GABRB3: variants seen among roughly 807,000 people sequenced by gnomAD.
The protein encoded by GABRB3 is gamma-aminobutyric acid type A receptor subunit beta3, also known as gamma-aminobutyric acid receptor subunit beta-3.
In GABRB3, 14 loss-of-function variants were observed where a neutral mutation model predicts 52.1. The ratio of observed to expected loss-of-function variants is 0.27; its 90% CI spans 0.18 to 0.42. GABRB3 has a LOEUF of 0.42. Among genes scored for constraint, GABRB3 ranks in the 10% least tolerant of loss-of-function variants. The pLI is 1.00. For missense variants in GABRB3, 307 were observed against 609.1 expected, an observed-to-expected ratio of 0.50 and a Z score of 5.22; for synonymous variants, 260 against 232.3, an observed-to-expected ratio of 1.12 and a Z score of -1.08.
intron 3 of GABRB3, among the ~76,000 whole-genome samples, chr15:26,691,616 T>C (rs977029615): frequency 4.6e-5 from 7 of 152,172 alleles, no homozygotes; most frequent in African/African-American, 1.7e-4. Flanking sequence ...TCACAATTTG[T>C]TTAATGACCT....
At chr15:26,716,504 G>C (rs1230940464) in intron 3 of GABRB3, 1 of 714,056 alleles carries the variant, frequency 1.4e-6, no homozygotes, top group African/African-American at 1.9e-5. Context: ...ACGATGCTCA[G>C]GGGGTTTGAG....
intron 3 of GABRB3, among the ~76,000 whole-genome samples, chr15:26,691,867 T>C (rs1168221273): frequency 2.0e-5 from 3 of 152,168 alleles, no homozygotes; most frequent in Non-Finnish European, 4.4e-5. Flanking sequence ...ATCTTACAAA[T>C]ATATTGGTGT....
At chr15:26,653,588 G>A (rs1824036816) in intron 3 of GABRB3, among the ~76,000 whole-genome samples, 1 of 152,158 alleles carries the variant, frequency 6.6e-6, no homozygotes, top group Admixed American at 6.5e-5. Flanking sequence ...TGAAACTCCA[G>A]TCTCCCTTTT....
rs1555383878 is a variant in GABRB3, at chr15:26,772,467, G to A, written c.175C>T (p.Pro59Ser). ...ATGTTCATCCCCACGCAGACCGGGGGACCTGCGGGAAGCACAGGACACGGC... is the reference window on the plus strand; with the variant it reads ...ATGTTCATCCCCACGCAGACCGGGGAACCTGCGGGAAGCACAGGACACGGC... Reference protein sequence around the residue: ...DIRLRPDFGGPPVCVGMNIDI... With the variant: ...DIRLRPDFGGSPVCVGMNIDI... The change falls in exon 3 of 9, where the codon CCC becomes TCC. Residue 59 changes from proline to serine, a missense_variant and splice_region_variant. This residue lies in a region of GABRB3 where 90 missense variants were observed against 86.4 expected (regional missense o/e 1.04). Transcript: ENST00000311550. 6.2e-6 allele frequency: 10 copies of A among 1,610,352 alleles called. No homozygotes were observed. Among genetic ancestry groups the A allele is most frequent in the Non-Finnish European group, 6.8e-6 (8 of 1,178,342 alleles).
chr15:26,678,385 G>A (rs142654760), intron 3 of GABRB3, among the ~76,000 whole-genome samples: 79 of 152,268 alleles, frequency 5.2e-4, no homozygotes, highest in African/African-American at 1.8e-3. Context: ...CAGCAAGCAC[G>A]GTGTTACTAA....
Position 26,722,997 on chromosome 15 carries a change from G to T in GABRB3, c.240+49405C>A, listed in dbSNP as rs890906961. 5.9e-5 allele frequency among the ~76,000 whole-genome samples: 9 copies of T among 152,122 alleles called. 1 individual carries two copies. Among genetic ancestry groups the T allele is most frequent in the Admixed American group, 5.9e-4 (9 of 15,276 alleles). On this transcript the variant is annotated intron_variant, in intron 3 of 8. Transcript: ENST00000311550. Reference sequence around the variant, plus strand: ...ATTTCATTTTAATAATAATACGAAAGCTCTCAACCTTAAGACATTCAGAGT... The same window carrying T: ...ATTTCATTTTAATAATAATACGAAATCTCTCAACCTTAAGACATTCAGAGT...
At chr15:26,642,899 G>C (rs780451739) in intron 3 of GABRB3, among the ~76,000 whole-genome samples, 1 of 152,098 alleles carries the variant, frequency 6.6e-6, no homozygotes, top group Non-Finnish European at 1.5e-5. Flanking sequence ...TCCACAGCTT[G>C]GGGGTTGATT....
chr15:26,670,762 T>C (rs1013103093), intron 3 of GABRB3, among the ~76,000 whole-genome samples: 12 of 152,234 alleles, frequency 7.9e-5, no homozygotes, highest in Admixed American at 2.0e-4. Context: ...AAGCTACAAC[T>C]TGTAAAAAAT....
chr15:26,698,730 T>G (rs1051763534), intron 3 of GABRB3, among the ~76,000 whole-genome samples: 1 of 152,166 alleles, frequency 6.6e-6, no homozygotes, highest in Non-Finnish European at 1.5e-5. Flanking sequence ...GCCTTTCCCC[T>G]GTCGCTCCCC....
At chr15:26,627,381 A>ATTTTTTTTTTTTTTTTTTTTTTTTTTG (rs1892747161) in intron 3 of GABRB3, among the ~76,000 whole-genome samples, 1 of 46,574 alleles carries the variant, frequency 2.1e-5, no homozygotes, top group African/African-American at 6.2e-5. Flanking sequence ...TTTATTATTT[A>ATTTTTTTTTTTTTTTTTTTTTTTTTTG]AGAAATACAT....
Position 26,554,159 on chromosome 15 carries a change from A to AAG in GABRB3, c.1081-6027_1081-6026dup, listed in dbSNP as rs1477171787. ...TATATATAAAGTATATATATATATA[A>AAG]AGTATATATATATAAAGTATATATA... On this transcript the variant is annotated intron_variant, in intron 8 of 8. Transcript: ENST00000311550. 4.4e-3 allele frequency among the ~76,000 whole-genome samples: 88 copies of AAG among 19,806 alleles called. 4 individuals carry two copies. Among genetic ancestry groups the AAG allele is most frequent in the Middle Eastern group, 0.033 (1 of 30 alleles). The allele number at this position is 19,806 out of a possible 152,430, so 13.0% of individuals were successfully genotyped here.
chr15:26,703,999 A>G (rs1889017399), intron 3 of GABRB3, among the ~76,000 whole-genome samples: 1 of 152,136 alleles, frequency 6.6e-6, no homozygotes, highest in Admixed American at 6.5e-5. Flanking sequence ...GCCAGGCCCC[A>G]AGACTCCACT....
chr15:26,616,095 T>C (rs1892246969), intron 4 of GABRB3: 1 of 1,288,060 alleles, frequency 7.8e-7, no homozygotes, highest in African/African-American at 1.5e-5. Flanking sequence ...ATTGTTGGGT[T>C]ACACACACTG....
intron 3 of GABRB3, among the ~76,000 whole-genome samples, chr15:26,696,088 GAAATTTTAC>G (rs1050446538): frequency 5.9e-5 from 9 of 152,146 alleles, no homozygotes; most frequent in African/African-American, 2.2e-4. Flanking sequence ...CTCTAAGATG[GAAATTTTAC>G]ATTCTTTGAG....
In GABRB3 at chr15:26,646,936, C is replaced by T. The variant is rs565504228; in HGVS notation, c.241-25402G>A. Among the ~76,000 whole-genome samples the T allele has an allele frequency of 2.9e-4, 44 of 152,230 alleles. 3 individuals carry two copies. In the South Asian group the frequency reaches 8.1e-3, roughly 28 times the overall value. ...TCGGCTCACTGCAAGGTCCGCCTCCCGGGTTCACGCCATTCTCCTGCCTCA... is the reference window on the plus strand; with the variant it reads ...TCGGCTCACTGCAAGGTCCGCCTCCTGGGTTCACGCCATTCTCCTGCCTCA... On this transcript the variant is annotated intron_variant, in intron 3 of 8. Coordinates refer to ENST00000311550, the MANE Select transcript of GABRB3 (RefSeq NM_000814.6).
intron 4 of GABRB3, chr15:26,615,485 G>A (rs1220814020): frequency 2.0e-6 from 2 of 978,398 alleles, no homozygotes; most frequent in Non-Finnish European, 2.4e-6. Flanking sequence ...AAGAGTCATG[G>A]GAAAAATGGC....
intron 8 of GABRB3, among the ~76,000 whole-genome samples, chr15:26,555,140 C>T (rs982734495): frequency 2.0e-5 from 3 of 152,012 alleles, no homozygotes; most frequent in South Asian, 2.1e-4. Flanking sequence ...GCTGAGATCG[C>T]GCCACTGCAC....
At chr15:26,738,206 C>CCACGTAG (rs1246552927) in intron 3 of GABRB3, among the ~76,000 whole-genome samples, 1 of 152,148 alleles carries the variant, frequency 6.6e-6, no homozygotes, top group Non-Finnish European at 1.5e-5. Flanking sequence ...CCTCAGCCTC[C>CCACGTAG]CACGTAGCTG....
intron 4 of GABRB3, among the ~76,000 whole-genome samples, chr15:26,585,024 T>A (rs1890929678): frequency 6.6e-6 from 1 of 152,190 alleles, no homozygotes. Context: ...GTTTTCAAAC[T>A]GGAGAGCAAA....
Sources: gnomAD v4.1 joint callset for allele counts (sites outside exome capture counted in the v4.1 genomes callset) on GRCh38, gnomAD v4.1.1 for gene constraint, gnomAD v4.1.1 regional missense constraint, MANE v1.5 for transcripts, NCBI Gene and HGNC (gene_info 2026-07-23, HGNC 2026-07-21) for gene names.